Variants in ITGA1 observed in about 807,000 individuals in gnomAD.
ITGA1 encodes integrin alpha-1.
Under a neutral mutation model 145.9 loss-of-function variants are expected in ITGA1, and 85 were observed. The observed-to-expected ratio is 0.58, with a 90% CI of 0.49 to 0.70. The LOEUF is 0.70. Ranked by LOEUF, ITGA1 falls within the 30% of genes least tolerant of loss-of-function variation. The probability of loss-of-function intolerance (pLI) is 0.00; values close to 1 mark genes in which losing one functional copy is unlikely to be tolerated. For missense variants in ITGA1, 1,351 were observed against 1,418.7 expected (o/e 0.95, Z 0.77); for synonymous variants, 520 against 495.3 (o/e 1.05, Z -0.66).
intron 6 of ITGA1, among the ~76,000 whole-genome samples, chr5:52,878,467 G>T (rs1309160278): frequency 1.3e-5 from 2 of 152,136 alleles, no homozygotes. Flanking sequence ...ACAATCCAAT[G>T]GTTCATAGTA....
chr5:52,801,897 T>C, intron 1 of ITGA1: 2 of 1,314,178 alleles, frequency 1.5e-6, no homozygotes, highest in Non-Finnish European at 2.1e-6. Context: ...ACAGTACATT[T>C]CTCAGCATCC....
chr5:52,864,066 C>T (rs1434649095), intron 3 of ITGA1: 1 of 152,196 alleles, frequency 6.6e-6, no homozygotes, highest in Non-Finnish European at 1.5e-5. Context: ...TCTAATATTC[C>T]ACTCTACTAA....
intron 1 of ITGA1, chr5:52,801,124 A>G: frequency 6.3e-7 from 1 of 1,591,210 alleles, no homozygotes; most frequent in Non-Finnish European, 8.6e-7. Flanking sequence ...TCTTCAGGTA[A>G]AACAATCTTA....
chr5:52,806,123 T>TA (rs1748584164), intron 1 of ITGA1, among the ~76,000 whole-genome samples: 1 of 152,078 alleles, frequency 6.6e-6, no homozygotes, highest in African/African-American at 2.4e-5. Context: ...TTATATACTC[T>TA]AAGAGATTCA....
At chr5:52,937,864 C>T (rs151048555) in intron 24 of ITGA1, among the ~76,000 whole-genome samples, 315 of 152,234 alleles carry the variant, frequency 2.1e-3, no homozygotes, top group African/African-American at 7.1e-3. Flanking sequence ...CAACCCTAGT[C>T]GTTCCTTGGC....
At chr5:52,842,641 G>T (rs1456467608) in intron 1 of ITGA1, among the ~76,000 whole-genome samples, 3 of 149,608 alleles carry the variant, frequency 2.0e-5, no homozygotes, top group Admixed American at 6.7e-5. Context: ...ATAAACTGAG[G>T]TTCATAGAGG....
intron 1 of ITGA1, among the ~76,000 whole-genome samples, chr5:52,839,829 A>G (rs1749224949): frequency 6.6e-6 from 1 of 152,184 alleles, no homozygotes; most frequent in South Asian, 2.1e-4. Context: ...AAAAGAAGTA[A>G]GATAACTCAC....
At chr5:52,911,547 C>G (rs1750533231) in intron 14 of ITGA1, among the ~76,000 whole-genome samples, 3 of 93,858 alleles carry the variant, frequency 3.2e-5, no homozygotes, top group Non-Finnish European at 5.8e-5. Context: ...GATACATATA[C>G]TATATATAGT....
chr5:52,798,079 C>T (rs753838213), intron 1 of ITGA1, among the ~76,000 whole-genome samples: 3 of 152,174 alleles, frequency 2.0e-5, no homozygotes, highest in African/African-American at 4.8e-5. Context: ...TTCACCCTAC[C>T]AATTAGGAAT....
intron 1 of ITGA1, among the ~76,000 whole-genome samples, chr5:52,838,253 A>G (rs989890234): frequency 3.9e-5 from 6 of 152,224 alleles, no homozygotes; most frequent in African/African-American, 4.8e-5. Context: ...GTGGCAGTGT[A>G]TGATTAGAAG....
At chr5:52,819,860 A>G (rs1322343367) in intron 1 of ITGA1, among the ~76,000 whole-genome samples, 1 of 152,100 alleles carries the variant, frequency 6.6e-6, no homozygotes, top group East Asian at 1.9e-4. Context: ...TCAGCTTTCT[A>G]CATATGGCTA....
At chr5:52,879,618 T>A (rs1297428378) in intron 6 of ITGA1, among the ~76,000 whole-genome samples, 1 of 152,212 alleles carries the variant, frequency 6.6e-6, no homozygotes, top group Non-Finnish European at 1.5e-5. Context: ...TCCTCACATT[T>A]TATTATAAAT....
intron 6 of ITGA1, among the ~76,000 whole-genome samples, chr5:52,877,452 C>A (rs1052449823): frequency 1.3e-5 from 2 of 152,106 alleles, no homozygotes; most frequent in Admixed American, 6.5e-5. Context: ...GCAGAAGATG[C>A]CTTCCATAAA....
intron 17 of ITGA1, among the ~76,000 whole-genome samples, 174 bp downstream of exon 17, chr5:52,920,642 T>A (rs1192936021): frequency 6.6e-6 from 1 of 152,226 alleles, no homozygotes; most frequent in Non-Finnish European, 1.5e-5. Context: ...ATTTTCTCAT[T>A]TCCAAATATT....
intron 1 of ITGA1, among the ~76,000 whole-genome samples, chr5:52,841,904 T>A (rs1201468593): frequency 1.3e-5 from 2 of 152,026 alleles, no homozygotes; most frequent in Non-Finnish European, 2.9e-5. Context: ...TGGCAAGAGG[T>A]AAGAGCTACC....
chr5:52,856,027 G>A (rs1244201014), intron 2 of ITGA1, among the ~76,000 whole-genome samples: 1 of 152,146 alleles, frequency 6.6e-6, no homozygotes, highest in Non-Finnish European at 1.5e-5. Flanking sequence ...GGCCGTGGTT[G>A]AGATTGCTGT....
chr5:52,942,115 A>G (rs538030485), intron 26 of ITGA1, among the ~76,000 whole-genome samples: 2 of 152,118 alleles, frequency 1.3e-5, no homozygotes, highest in Admixed American at 1.3e-4. Context: ...TGAATTCTCT[A>G]TTCTGTTTCA....
At chr5:52,942,787 C>T (rs182055986) in intron 26 of ITGA1, among the ~76,000 whole-genome samples, 1 of 151,878 alleles carries the variant, frequency 6.6e-6, no homozygotes, top group African/African-American at 2.4e-5. Flanking sequence ...ATGATCTGCC[C>T]ACCTCAGCCT....
chr5:52,900,981 C>A (rs944482985), intron 11 of ITGA1, among the ~76,000 whole-genome samples: 29 of 152,078 alleles, frequency 1.9e-4, no homozygotes, highest in Non-Finnish European at 3.8e-4. Flanking sequence ...TAATGATCCC[C>A]AAAGATGTCC....
Sources: allele counts gnomAD v4.1 joint callset (sites outside exome capture counted in the v4.1 genomes callset), GRCh38; gene constraint gnomAD v4.1.1; transcripts MANE v1.5; gene names NCBI Gene and HGNC (gene_info 2026-07-23, HGNC 2026-07-21).